The following FTCDNL1 variants were observed in gnomAD, a reference collection of about 807,000 sequenced individuals.
FTCDNL1 encodes formiminotransferase cyclodeaminase N-terminal like.
A neutral mutation model predicts 5.9 loss-of-function variants in FTCDNL1; 11 were observed. The observed-to-expected ratio is 1.87, with a 90% CI of 1.18 to 3.10. FTCDNL1 has a LOEUF of 3.10. FTCDNL1 is among the 30% of genes most tolerant of loss of function. FTCDNL1 has a pLI of 0.00. For synonymous variants in FTCDNL1, 58 were observed against 24.8 expected, an observed-to-expected ratio of 2.34 and a Z score of -3.99; for missense variants, 115 against 65.5, an observed-to-expected ratio of 1.76 and a Z score of -2.61.
At chr2:199,785,029 A>C (rs1303430804) in intron 3 of FTCDNL1, among the ~76,000 whole-genome samples, 1 of 152,056 alleles carries the variant, frequency 6.6e-6, no homozygotes, top group Non-Finnish European at 1.5e-5. Flanking sequence ...TGAAACTAAA[A>C]ATTAGGATTT....
At chr2:199,785,096 C>T (rs1027918206) in intron 3 of FTCDNL1, among the ~76,000 whole-genome samples, 10 of 152,080 alleles carry the variant, frequency 6.6e-5, no homozygotes, top group Non-Finnish European at 1.5e-4. Flanking sequence ...GCTCTTTCAT[C>T]TTCCCTAACT....
chr2:199,781,507 A>G (rs1200601234), intron 3 of FTCDNL1, among the ~76,000 whole-genome samples: 1 of 152,168 alleles, frequency 6.6e-6, no homozygotes, highest in African/African-American at 2.4e-5. Flanking sequence ...TCCAATTAGC[A>G]CAATGTCATA....
chr2:199,710,451 A>G, the FTCDNL1 span, among the ~76,000 whole-genome samples: 2 of 152,186 alleles, frequency 1.3e-5, no homozygotes, highest in Non-Finnish European at 2.9e-5. Context: ...CTGGTTGACA[A>G]AAATATTTTG....
At chr2:199,802,781 A>AGG (rs1325651136) in intron 3 of FTCDNL1, among the ~76,000 whole-genome samples, 3 of 152,150 alleles carry the variant, frequency 2.0e-5, no homozygotes, top group Non-Finnish European at 4.4e-5. Context: ...CTGATGAGAG[A>AGG]GGGTTGTGCC....
At chr2:199,846,725 C>T (rs1452972318) in intron 2 of FTCDNL1, among the ~76,000 whole-genome samples, 1 of 152,184 alleles carries the variant, frequency 6.6e-6, no homozygotes, top group Non-Finnish European at 1.5e-5. Context: ...CAGATGTTAA[C>T]AACTTCCAGC....
intron 3 of FTCDNL1, among the ~76,000 whole-genome samples, chr2:199,765,556 A>ATTTTTTTTTT (rs374926252): frequency 4.2e-4 from 18 of 42,660 alleles, no homozygotes; most frequent in African/African-American, 1.0e-3. Flanking sequence ...ATATATATAT[A>ATTTTTTTTTT]TTTTTTTTTT....
chr2:199,847,586 G>A (rs1043609393), intron 2 of FTCDNL1, among the ~76,000 whole-genome samples: 2 of 152,224 alleles, frequency 1.3e-5, no homozygotes, highest in African/African-American at 4.8e-5. Flanking sequence ...AGCTGTCAGT[G>A]TGAATCTCAG....
Position 199,848,853 on chromosome 2 carries a change from T to C in FTCDNL1, c.110A>G (p.Lys37Arg), listed in dbSNP as rs1376368734. 4.3e-6 allele frequency: 3 copies of C among 700,190 alleles called. No individual in the cohort carries two copies. Among genetic ancestry groups the C allele is most frequent in the Non-Finnish European group, 7.8e-6 (3 of 384,350 alleles). The allele number at this position is 700,190 out of a possible 1,614,324, so 43.4% of individuals were successfully genotyped here. A position where few individuals can be genotyped will look rare whatever the true frequency, so the allele number is the denominator to read the frequency against. Residue 37 changes from lysine (K) to arginine (R), a missense_variant, in exon 2 of 5, where the codon AAA (lysine) becomes AGA (arginine). Coordinates refer to ENST00000420128, the MANE Select transcript of FTCDNL1 (RefSeq NM_001363886.2). The stretch of plus-strand genomic sequence containing the variant: ...CAATTGTCTGTTTTTCCTACCATTT[T>C]TGTCAAGAAGAGCTGCTTTTGCTAT... ...ENIAKAALLD[K>R]NGKKHPQVSV...
At chr2:199,715,993 C>T in the FTCDNL1 span, among the ~76,000 whole-genome samples, 2 of 137,980 alleles carry the variant, frequency 1.4e-5, no homozygotes, top group South Asian at 2.3e-4. Context: ...AAATATATCC[C>T]GCATGTGAAA....
At chr2:199,677,511 T>C in the FTCDNL1 span, among the ~76,000 whole-genome samples, 2 of 152,118 alleles carry the variant, frequency 1.3e-5, no homozygotes, top group South Asian at 2.1e-4. Context: ...ATTTGAAAAG[T>C]AGTTTAGAGG....
the FTCDNL1 span, among the ~76,000 whole-genome samples, chr2:199,667,981 A>G: frequency 1.3e-5 from 2 of 152,218 alleles, no homozygotes; most frequent in African/African-American, 4.8e-5. Flanking sequence ...TATTATTTTT[A>G]TTTTACATCA....
chr2:199,832,937 G>A (rs1036861030), intron 3 of FTCDNL1, among the ~76,000 whole-genome samples: 16 of 151,814 alleles, frequency 1.1e-4, no homozygotes, highest in African/African-American at 2.4e-4. Flanking sequence ...AGTAGCAGAC[G>A]TGGGATTTGA....
intron 3 of FTCDNL1, among the ~76,000 whole-genome samples, chr2:199,770,182 C>T (rs1043995824): frequency 7.2e-5 from 11 of 152,188 alleles, no homozygotes; most frequent in African/African-American, 2.7e-4. Flanking sequence ...ACATTAGGCA[C>T]TCAACAAAAG....
At chr2:199,837,746 A>G (rs1164427301) in intron 3 of FTCDNL1, among the ~76,000 whole-genome samples, 4 of 152,192 alleles carry the variant, frequency 2.6e-5, no homozygotes, top group East Asian at 1.9e-4. Flanking sequence ...AATCAAAACA[A>G]TAAGTATCAA....
At chr2:199,738,002 C>T in the FTCDNL1 span, among the ~76,000 whole-genome samples, 44 of 152,314 alleles carry the variant, frequency 2.9e-4, no homozygotes, top group South Asian at 6.4e-3. Flanking sequence ...CACAGGCTCA[C>T]GGAGCCTCTC....
chr2:199,727,717 C>A, the FTCDNL1 span, among the ~76,000 whole-genome samples: 1 of 152,246 alleles, frequency 6.6e-6, no homozygotes, highest in Middle Eastern at 3.4e-3. Flanking sequence ...CATCTCAGAT[C>A]CTTCCCATCC....
intron 3 of FTCDNL1, among the ~76,000 whole-genome samples, chr2:199,780,181 C>T (rs1048455192): frequency 2.6e-5 from 4 of 152,208 alleles, no homozygotes; most frequent in African/African-American, 9.6e-5. Context: ...CCTTATCCAG[C>T]TCTACAGGGA....
chr2:199,819,412 G>C, intron 4 of FTCDNL1, 160 bp downstream of exon 4: 2 of 600,112 alleles, frequency 3.3e-6, no homozygotes, highest in Non-Finnish European at 5.9e-6. Context: ...TAGCTTAAAA[G>C]GGCCTGGGTG....
In FTCDNL1 at chr2:199,809,661, A is replaced by G. The variant is rs2106442741; in HGVS notation, c.*3044T>C. Among the ~76,000 whole-genome samples, 1 of 152,300 alleles carries G rather than the reference A, an allele frequency of 6.6e-6. No individual in the cohort carries two copies. The highest frequency in any genetic ancestry group is 3.4e-3 in the Middle Eastern group (1 of 294). On this transcript the variant is annotated 3_prime_UTR_variant, in exon 5 of 5. Transcript: ENST00000420128. ...TGCCAATACCCTTCTCTTTGCTCAA[A>G]AACAGTATGTTCTCTAAACCTTTAG... is the stretch of plus-strand genomic sequence containing the variant.
Sources: allele counts gnomAD v4.1 joint callset (sites outside exome capture counted in the v4.1 genomes callset), GRCh38; gene constraint gnomAD v4.1.1; transcripts MANE v1.5; gene names NCBI Gene and HGNC (gene_info 2026-07-23, HGNC 2026-07-21).